The following METTL23 variants were observed in gnomAD, a reference collection of about 807,000 sequenced individuals.
METTL23 encodes histone-arginine methyltransferase METTL23.
Under a neutral mutation model 21.2 loss-of-function variants are expected in METTL23, and 24 were observed. The observed-to-expected ratio is 1.13, with a 90% CI of 0.82 to 1.59. The LOEUF is 1.59. Ranked by LOEUF, METTL23 falls within the 40% of genes most tolerant of loss-of-function variation. The probability of loss-of-function intolerance (pLI) is 0.00; values close to 1 mark genes in which losing one functional copy is unlikely to be tolerated. For missense variants in METTL23, 276 were observed against 221.4 expected, an observed-to-expected ratio of 1.25 and a Z score of -1.57; for synonymous variants, 97 against 75.2, an observed-to-expected ratio of 1.29 and a Z score of -1.50.
Position 76,733,105 on chromosome 17 carries a change from T to A in METTL23, c.212T>A (p.Leu71Gln). The change falls in exon 3 of 5, where the codon CTG becomes CAG. Residue 71 changes from leucine (L) to glutamine (Q), a missense_variant. Transcript: ENST00000341249. The part of the protein sequence containing the change: ...VCRQSCQMNN[L>Q]PHLQVVGLTW... ...CGGCAAAGCTGCCAAATGAATAACC[T>A]GCCACATCTGCAGGTGGTAGGACTA... is the stretch of plus-strand genomic sequence containing the variant. The A allele has an allele frequency of 6.2e-7, 1 of 1,613,304 alleles. No homozygotes were observed.
upstream of METTL23, chr17:76,726,541 C>T (rs768319780): frequency 1.0e-4 from 157 of 1,515,878 alleles, no homozygotes; most frequent in Non-Finnish European, 1.3e-4. Context: ...ACTAACGCAC[C>T]CCTCCCCGGC....
intron 2 of METTL23, 158 bp from the exon 3 acceptor site, chr17:76,732,820 T>C (rs79047728): frequency 4.7e-6 from 3 of 644,184 alleles, no homozygotes; most frequent in African/African-American, 3.7e-5. Context: ...TTGTCATGTT[T>C]ATAGTAATGT....
intron 1 of METTL23, among the ~76,000 whole-genome samples, chr17:76,728,704 C>T (rs1035964007): frequency 1.3e-5 from 2 of 152,102 alleles, no homozygotes; most frequent in South Asian, 4.1e-4. Flanking sequence ...AGCCACCGCT[C>T]CCGGCTGGCT....
Position 76,727,065 on chromosome 17 carries a change from C to T in METTL23, c.-135C>T, listed in dbSNP as rs1033547068. 7 of 455,160 alleles carry T rather than the reference C, an allele frequency of 1.5e-5. No homozygotes were observed. In the Admixed American group the frequency reaches 1.6e-4, roughly 11 times the overall value. 28.2% of individuals were successfully genotyped at this position (455,160 alleles called of 1,614,324 possible). A position where few individuals can be genotyped will look rare whatever the true frequency, so the allele number is the denominator to read the frequency against. ...CGCCCGCCCGGGGCCCAACGACGCCCTACTGGGCGAGCACGATTTCCGAGG... is the reference window on the plus strand; with the variant it reads ...CGCCCGCCCGGGGCCCAACGACGCCTTACTGGGCGAGCACGATTTCCGAGG... On this transcript the variant is annotated 5_prime_UTR_variant, in exon 1 of 5. Coordinates refer to ENST00000341249, the MANE Select transcript of METTL23 (RefSeq NM_001080510.5).
intron 1 of METTL23, 106 bp from the exon 2 acceptor site, chr17:76,729,584 C>A: frequency 1.4e-6 from 1 of 727,216 alleles, no homozygotes; most frequent in Non-Finnish European, 2.4e-6. Context: ...GTGAACAGGG[C>A]TGCCATTTTT....
At chr17:76,731,582 A>C (rs929023002) in intron 2 of METTL23, among the ~76,000 whole-genome samples, 1 of 152,208 alleles carries the variant, frequency 6.6e-6, no homozygotes, top group Admixed American at 6.5e-5. Context: ...TGTTTTTGGA[A>C]ATGTTGAGAT....
In METTL23 at chr17:76,733,584, T is replaced by C. The variant is rs745338239; in HGVS notation, c.471T>C (p.Leu157=). ...KWDMKCVHIP[L]ESFDADKEDI... Reference sequence around the variant, plus strand: ...ATATGAAATGTGTCCACATTCCTCTTGAGTCTTTTGATGCAGACAAAGAAG... The same window carrying C: ...ATATGAAATGTGTCCACATTCCTCTCGAGTCTTTTGATGCAGACAAAGAAG... The change falls in exon 5 of 5, where the codon CTT becomes CTC. Residue 157 remains leucine (L), a synonymous_variant. Transcript: ENST00000341249. 31 of 1,613,836 alleles carry C rather than the reference T, an allele frequency of 1.9e-5. No homozygotes were observed. The highest frequency in any genetic ancestry group is 6.6e-5 in the South Asian group (6 of 91,080).
chr17:76,726,484 GTCGCCAGCTGGTTCCGC>G (rs2076939938), upstream of METTL23: 1 of 1,586,366 alleles, frequency 6.3e-7, no homozygotes, highest in South Asian at 1.1e-5. Flanking sequence ...ATTCTGCGGG[GTCGCCAGCTGGTTCCGC>G]TACGACCTCG....
chr17:76,726,394 G>T (rs750848447), upstream of METTL23: 1 of 1,605,024 alleles, frequency 6.2e-7, no homozygotes, highest in South Asian at 1.1e-5. Flanking sequence ...TAGTTGTGCC[G>T]GGTCCAATCC....
chr17:76,728,293 C>T (rs890798770), intron 1 of METTL23, among the ~76,000 whole-genome samples: 1 of 143,574 alleles, frequency 7.0e-6, no homozygotes, highest in Non-Finnish European at 1.5e-5. Flanking sequence ...TTCCAAACAG[C>T]TTCACTTTTT....
In METTL23 at chr17:76,733,103, C is replaced by T; in HGVS notation, c.210C>T (p.Asn70=). The change falls in exon 3 of 5, where the codon AAC becomes AAT. Residue 70 remains asparagine (N), a synonymous_variant. Transcript: ENST00000341249. ...EVCRQSCQMN[N]LPHLQVVGLT... is the part of the protein sequence containing the mutation. Reference sequence around the variant, plus strand: ...GTCGGCAAAGCTGCCAAATGAATAACCTGCCACATCTGCAGGTGGTAGGAC... The same window carrying T: ...GTCGGCAAAGCTGCCAAATGAATAATCTGCCACATCTGCAGGTGGTAGGAC... 1.9e-6 allele frequency: 3 copies of T among 1,613,200 alleles called. No homozygotes were observed. Among genetic ancestry groups the T allele is most frequent in the Non-Finnish European group, 1.7e-6 (2 of 1,179,522 alleles).
intron 1 of METTL23, among the ~76,000 whole-genome samples, chr17:76,727,519 C>T (rs2076995520): frequency 6.6e-6 from 1 of 152,218 alleles, no homozygotes; most frequent in Non-Finnish European, 1.5e-5. Flanking sequence ...CACATCGAAT[C>T]TTTCCTGCCA....
chr17:76,732,662 G>A (rs981865434), intron 2 of METTL23: 1 of 360,024 alleles, frequency 2.8e-6, no homozygotes, highest in Non-Finnish European at 5.2e-6. Flanking sequence ...AAACAAAACT[G>A]AAAATCATGG....
At chr17:76,729,328 G>A (rs1326607839) in intron 1 of METTL23, among the ~76,000 whole-genome samples, 4 of 151,234 alleles carry the variant, frequency 2.6e-5, no homozygotes, top group African/African-American at 9.7e-5. Flanking sequence ...TGATCCGCCC[G>A]CCTCATCCTC....
At chr17:76,732,062 A>G (rs148769815) in intron 2 of METTL23, among the ~76,000 whole-genome samples, 59 of 152,346 alleles carry the variant, frequency 3.9e-4, no homozygotes, top group African/African-American at 1.3e-3. Context: ...ACATGCTAAC[A>G]GAAGTGAAAA....
In METTL23 at chr17:76,733,037, ACT is replaced by A. The variant is rs771704677; in HGVS notation, c.145_146del (p.Leu49ValfsTer21). On this transcript the variant is annotated frameshift_variant, in exon 3 of 5. Transcript: ENST00000341249. LOFTEE classifies it high-confidence loss of function. The part of the protein sequence containing the change: ...LAAKCGAEVI[L>X]SDSSELPHCL... ...CTGCCAAATGTGGTGCAGAAGTAATACTGTCAGACAGCTCAGAACTGCCTCAC... is the reference window on the plus strand; with the variant it reads ...CTGCCAAATGTGGTGCAGAAGTAATAGTCAGACAGCTCAGAACTGCCTCAC... 1 of 1,600,868 alleles carries A rather than the reference ACT, an allele frequency of 6.2e-7. No individual in the cohort carries two copies. Among genetic ancestry groups the A allele is most frequent in the East Asian group, 2.2e-5 (1 of 44,600 alleles).
intron 2 of METTL23, among the ~76,000 whole-genome samples, chr17:76,730,751 TGAG>T (rs2077168005): frequency 3.3e-5 from 5 of 151,682 alleles, no homozygotes; most frequent in African/African-American, 1.2e-4. Context: ...GCGGATTGCC[TGAG>T]GTCAGGAGTT....
rs10690835 is a variant in METTL23, at chr17:76,728,792, C to CTTT, written c.-21-882_-21-880dup. Among the ~76,000 whole-genome samples the CTTT allele has an allele frequency of 6.3e-3, 751 of 118,790 alleles. 25 individuals carry two copies. Among genetic ancestry groups the CTTT allele is most frequent in the African/African-American group, 0.023 (699 of 30,474 alleles). The allele number at this position is 118,790 out of a possible 152,430, so 77.9% of individuals were successfully genotyped here. On this transcript the variant is annotated intron_variant, in intron 1 of 4. Transcript: ENST00000341249. ...GCCTGTGAGAATAGAAGCCTCTTTCCTTTTTTTTTTTTTTTTTTGGAGTTG... is the reference window on the plus strand; with the variant it reads ...GCCTGTGAGAATAGAAGCCTCTTTCCTTTTTTTTTTTTTTTTTTTTTGGAGTTG...
At chr17:76,726,810 T>G (rs1422520366), upstream of METTL23, 32 of 145,132 alleles carry the variant, frequency 2.2e-4, 1 homozygote, top group East Asian at 4.1e-3. Context: ...GCCCCGCCCC[T>G]CCCCTCCCGC....
Sources: gnomAD v4.1 joint callset for allele counts (sites outside exome capture counted in the v4.1 genomes callset) on GRCh38, gnomAD v4.1.1 for gene constraint, MANE v1.5 for transcripts, NCBI Gene and HGNC (gene_info 2026-07-23, HGNC 2026-07-21) for gene names.